Variants in PDE9A observed in about 807,000 individuals in gnomAD.
PDE9A encodes phosphodiesterase 9A, also known as high affinity cGMP-specific 3',5'-cyclic phosphodiesterase 9A.
Under a neutral mutation model 87.4 loss-of-function variants are expected in PDE9A, and 60 were observed. The ratio of observed to expected loss-of-function variants is 0.69; its 90% confidence interval spans 0.56 to 0.85. The LOEUF is 0.85. Among genes scored for constraint, PDE9A ranks in the 40% least tolerant of loss-of-function variants. The pLI is 0.00. For missense variants in PDE9A, 665 were observed against 779.0 expected (o/e 0.85, Z 1.74); for synonymous variants, 272 against 279.4 (o/e 0.97, Z 0.27).
At chr21:42,768,426 C>G in intron 16 of PDE9A, 134 bp downstream of exon 16, 1 of 1,046,622 alleles carries the variant, frequency 9.6e-7, no homozygotes, top group South Asian at 1.6e-5. Context: ...CTCCAGAAAG[C>G]CTTCAGGGTA....
At position 42,722,209 on chromosome 21, in the gene PDE9A, C is replaced by G. The variant is rs769682879; in HGVS notation, c.263-9561C>G. On this transcript the variant is annotated intron_variant, in intron 4 of 19. Coordinates refer to ENST00000291539, the MANE Select transcript of PDE9A (RefSeq NM_002606.3). The surrounding 1 kb of genome is among the most constrained non-coding windows in gnomAD (Gnocchi z 4.1). Reference sequence around the variant, plus strand: ...GCCAGGATGGTCTTGAACTTCTGACCTCATGATCCGCCCACCTCAGCCTCC... The same window carrying G: ...GCCAGGATGGTCTTGAACTTCTGACGTCATGATCCGCCCACCTCAGCCTCC... 3.3e-5 allele frequency among the ~76,000 whole-genome samples: 5 copies of G among 152,132 alleles called. No individual in the cohort carries two copies. Among genetic ancestry groups the G allele is most frequent in the Non-Finnish European group, 7.4e-5 (5 of 68,022 alleles).
chr21:42,658,725 C>A (rs188316274), intron 1 of PDE9A, among the ~76,000 whole-genome samples: 2 of 152,218 alleles, frequency 1.3e-5, no homozygotes, highest in African/African-American at 4.8e-5. Flanking sequence ...GCTCTCCTCG[C>A]CATCCTCTCC....
At position 42,707,944 on chromosome 21, in the gene PDE9A, C is replaced by T. The variant is rs1226214930; in HGVS notation, c.262+8933C>T. Among the ~76,000 whole-genome samples, 7 of 152,292 alleles carry T rather than the reference C, an allele frequency of 4.6e-5. No homozygotes were observed. The Middle Eastern group carries it at 0.01, about 222-fold the overall frequency. ...TTTTTGAATGGCTAAAGTTATGTCT[C>T]TCTGGAATTGCTGAATTTTAATAGA... is the stretch of plus-strand genomic sequence containing the variant. On this transcript the variant is annotated intron_variant, in intron 4 of 19. Transcript: ENST00000291539.
chr21:42,661,459 G>T (rs1388419345), intron 1 of PDE9A, among the ~76,000 whole-genome samples: 2 of 148,010 alleles, frequency 1.4e-5, no homozygotes, highest in Non-Finnish European at 3.0e-5. Context: ...TGCTGAGTGC[G>T]GGGACCTCAC....
intron 10 of PDE9A, chr21:42,757,529 T>G (rs1033106073): frequency 4.6e-5 from 7 of 152,270 alleles, no homozygotes; most frequent in African/African-American, 1.7e-4. Flanking sequence ...TACCAGAGAC[T>G]GGGGTGGCGT....
Position 42,770,758 on chromosome 21 carries a change from G to T in PDE9A, c.1646G>T (p.Arg549Leu). 1.2e-6 allele frequency: 2 copies of T among 1,614,084 alleles called. No individual in the cohort carries two copies. The highest frequency in any genetic ancestry group is 1.7e-6 in the Non-Finnish European group (2 of 1,179,942). The stretch of plus-strand genomic sequence containing the variant: ...CAGCCACTTTGGGAATCCCGAGATC[G>T]CTACGAGGAGCTGAAGCGGATAGAT... ...MLQPLWESRDRYEELKRIDDA... is the reference protein window; with the variant it reads ...MLQPLWESRDLYEELKRIDDA... The change falls in exon 18 of 20, where the codon CGC becomes CTC. Residue 549 changes from arginine to leucine, a missense_variant. Arg to Leu is a moderately radical substitution (Grantham distance 102). Coordinates refer to ENST00000291539, the MANE Select transcript of PDE9A (RefSeq NM_002606.3).
At chr21:42,716,606 C>T (rs1472707200) in intron 4 of PDE9A, among the ~76,000 whole-genome samples, 1 of 151,556 alleles carries the variant, frequency 6.6e-6, no homozygotes, top group African/African-American at 2.4e-5. Flanking sequence ...AGAATTAATA[C>T]TGTACCGCCT....
chr21:42,668,113 C>A (rs2058132146), intron 1 of PDE9A, among the ~76,000 whole-genome samples: 1 of 152,154 alleles, frequency 6.6e-6, no homozygotes, highest in Non-Finnish European at 1.5e-5. Flanking sequence ...CATGTCCAGC[C>A]ACACCATTCT....
chr21:42,768,846 C>A (rs4920149), intron 16 of PDE9A, 181 bp from the exon 17 acceptor site: 2 of 984,996 alleles, frequency 2.0e-6, no homozygotes, highest in Non-Finnish European at 2.4e-6. Flanking sequence ...TAGACCTGCA[C>A]GCCCAGCTCT....
rs1311505094 is a variant in PDE9A, at chr21:42,769,574, A to G, written c.1590+419A>G. Among the ~76,000 whole-genome samples, 5 of 130,094 alleles carry G rather than the reference A, an allele frequency of 3.8e-5. No individual in the cohort carries two copies. The South Asian group carries it at 1.3e-3, about 33-fold the overall frequency. The allele number at this position is 130,094 out of a possible 152,430, so 85.3% of individuals were successfully genotyped here. A position where few individuals can be genotyped will look rare whatever the true frequency, so the allele number is the denominator to read the frequency against. ...CACACACAGGCACACACACACACAC[A>G]CATGCACACAGGTACACACAGGCAC... On this transcript the variant is annotated intron_variant, in intron 17 of 19. Transcript: ENST00000291539.
chr21:42,668,602 A>G (rs2058172194), intron 1 of PDE9A, among the ~76,000 whole-genome samples: 1 of 152,202 alleles, frequency 6.6e-6, no homozygotes, highest in African/African-American at 2.4e-5. Context: ...TCCATTATTT[A>G]TAACAGTGGA....
At chr21:42,680,661 T>C (rs1474203443) in intron 1 of PDE9A, among the ~76,000 whole-genome samples, 1 of 152,208 alleles carries the variant, frequency 6.6e-6, no homozygotes, top group Non-Finnish European at 1.5e-5. Flanking sequence ...AGTCAAACCG[T>C]GTGCCTGAGT....
chr21:42,708,135 T>C (rs1366831453), intron 4 of PDE9A, among the ~76,000 whole-genome samples: 4 of 152,232 alleles, frequency 2.6e-5, no homozygotes, highest in African/African-American at 9.6e-5. Context: ...TCTAGAAGGC[T>C]TTATAAGCAA....
intron 1 of PDE9A, among the ~76,000 whole-genome samples, chr21:42,674,230 A>G (rs1419898494): frequency 1.3e-5 from 2 of 151,334 alleles, no homozygotes; most frequent in Non-Finnish European, 2.9e-5. Flanking sequence ...ACCCTTCCTC[A>G]TCACTGAAAA....
chr21:42,667,423 A>T (rs2058081811), intron 1 of PDE9A, among the ~76,000 whole-genome samples: 1 of 152,150 alleles, frequency 6.6e-6, no homozygotes, highest in Admixed American at 6.5e-5. Context: ...AGGATTTAGA[A>T]TTCTATTTGG....
intron 17 of PDE9A, among the ~76,000 whole-genome samples, chr21:42,769,928 C>T (rs190364345): frequency 1.4e-4 from 21 of 152,346 alleles, no homozygotes; most frequent in Admixed American, 1.3e-3. Context: ...CACTCCCTGC[C>T]TTGCCTTGCT....
chr21:42,740,694 T>G (rs2053097866), intron 7 of PDE9A, among the ~76,000 whole-genome samples: 2 of 141,156 alleles, frequency 1.4e-5, no homozygotes, highest in Admixed American at 7.1e-5. Context: ...ACACAGTAGG[T>G]AGGTAGGTAG....
At position 42,675,906 on chromosome 21, in the gene PDE9A, C is replaced by T. The variant is rs764289678; in HGVS notation, c.70-10286C>T. Among the ~76,000 whole-genome samples, 6 of 152,148 alleles carry T rather than the reference C, an allele frequency of 3.9e-5. No individual in the cohort carries two copies. Among genetic ancestry groups the T allele is most frequent in the African/African-American group, 7.2e-5 (3 of 41,416 alleles). On this transcript the variant is annotated intron_variant, in intron 1 of 19. Coordinates refer to ENST00000291539, the MANE Select transcript of PDE9A (RefSeq NM_002606.3). The surrounding 1 kb of genome is among the most constrained non-coding windows in gnomAD (Gnocchi z 4.3). ...TGGTATCCTCAGTGTTGGAGTGGGG[C>T]CTGGTGGGAGGTGACTGGATCGTGG...
rs142555570 is a variant in PDE9A, at chr21:42,748,159, G to A, written c.654-2957G>A. 3.8e-3 allele frequency among the ~76,000 whole-genome samples: 581 copies of A among 152,342 alleles called. 2 individuals are homozygous for A. The highest frequency in any genetic ancestry group is 0.013 in the African/African-American group (541 of 41,568). ...AGACTTACAGAGACAGCACATGTGCGAATGTTTACACAAAACAGGTTAAAA... is the reference window on the plus strand; with the variant it reads ...AGACTTACAGAGACAGCACATGTGCAAATGTTTACACAAAACAGGTTAAAA... On this transcript the variant is annotated intron_variant, in intron 8 of 19. Transcript: ENST00000291539.
Sources: gnomAD v4.1 joint callset for allele counts (sites outside exome capture counted in the v4.1 genomes callset) on GRCh38, gnomAD v4.1.1 for gene constraint, Gnocchi (gnomAD v3.1) non-coding constraint, MANE v1.5 for transcripts, NCBI Gene and HGNC (gene_info 2026-07-23, HGNC 2026-07-21) for gene names.